CLSTN2: variants seen among roughly 807,000 people sequenced by gnomAD.
CLSTN2 encodes calsyntenin 2.
Under a neutral mutation model 101.2 loss-of-function variants are expected in CLSTN2, and 48 were observed. The observed-to-expected ratio is 0.47, with a 90% confidence interval of 0.38 to 0.60. The LOEUF (loss-of-function observed/expected upper bound fraction) is 0.60, where lower values mean the gene tolerates loss of function less well. CLSTN2 is among the 20% of genes least tolerant of loss of function. The probability of loss-of-function intolerance (pLI) is 0.00; values close to 1 mark genes in which losing one functional copy is unlikely to be tolerated. For synonymous variants in CLSTN2, 481 were observed against 463.6 expected, an observed-to-expected ratio of 1.04 and a Z score of -0.48; for missense variants, 1,160 against 1,238.2, an observed-to-expected ratio of 0.94 and a Z score of 0.95.
chr3:140,333,673 G>C (rs1467771668), intron 2 of CLSTN2, among the ~76,000 whole-genome samples: 1 of 145,524 alleles, frequency 6.9e-6, no homozygotes, highest in African/African-American at 2.5e-5. Flanking sequence ...AACAGTATTA[G>C]AGTGGAGACT....
At chr3:140,093,219 C>T (rs947572257) in intron 1 of CLSTN2, among the ~76,000 whole-genome samples, 7 of 152,042 alleles carry the variant, frequency 4.6e-5, no homozygotes, top group Admixed American at 1.3e-4. Context: ...GCTCCCTGAG[C>T]CATTATTTCA....
intron 2 of CLSTN2, among the ~76,000 whole-genome samples, chr3:140,353,452 T>A (rs2087633726): frequency 6.6e-6 from 1 of 152,064 alleles, no homozygotes; most frequent in African/African-American, 2.4e-5. Context: ...CCTTTTGACA[T>A]TTTTCTGCCT....
At chr3:140,053,856 G>A (rs918577732) in intron 1 of CLSTN2, among the ~76,000 whole-genome samples, 2 of 152,152 alleles carry the variant, frequency 1.3e-5, no homozygotes, top group Admixed American at 6.6e-5. Context: ...GAAGTGATTG[G>A]CACATAGTCA....
intron 2 of CLSTN2, among the ~76,000 whole-genome samples, chr3:140,362,333 C>A (rs866798392): frequency 3.8e-4 from 58 of 152,168 alleles, no homozygotes; most frequent in African/African-American, 1.3e-3. Flanking sequence ...TTAACTTATA[C>A]GTAAAACATA....
chr3:140,489,655 T>G (rs1374494906), intron 8 of CLSTN2, among the ~76,000 whole-genome samples: 1 of 152,066 alleles, frequency 6.6e-6, no homozygotes, highest in East Asian at 1.9e-4. Flanking sequence ...GATACTGGGA[T>G]GAAATCAACC....
Position 139,972,426 on chromosome 3 carries a change from T to C in CLSTN2, c.109+36943T>C, listed in dbSNP as rs573862566. On this transcript the variant is annotated intron_variant, in intron 1 of 16. Coordinates refer to ENST00000458420, the MANE Select transcript of CLSTN2 (RefSeq NM_022131.3). ...GGAAATAATGATGTTATTGTTAGCA[T>C]CTCTCTGGGGATGTGAATACTAAGC... is the stretch of plus-strand genomic sequence containing the variant. 3.0e-4 allele frequency among the ~76,000 whole-genome samples: 46 copies of C among 152,226 alleles called. No homozygotes were observed. The South Asian group carries it at 6.4e-3, about 21-fold the overall frequency.
At chr3:140,089,624 A>G in intron 1 of CLSTN2, among the ~76,000 whole-genome samples, 1 of 134,746 alleles carries the variant, frequency 7.4e-6, no homozygotes, top group Middle Eastern at 3.6e-3. Flanking sequence ...TTATTTATTT[A>G]TTTTTGAGAC....
intron 8 of CLSTN2, among the ~76,000 whole-genome samples, chr3:140,497,788 G>A (rs1396147898): frequency 6.6e-6 from 1 of 152,168 alleles, no homozygotes; most frequent in Non-Finnish European, 1.5e-5. Context: ...ACTCCACACA[G>A]TTCTGTGTAT....
intron 2 of CLSTN2, among the ~76,000 whole-genome samples, chr3:140,284,439 C>T (rs72990180): frequency 3.3e-5 from 5 of 152,114 alleles, no homozygotes; most frequent in African/African-American, 4.8e-5. Context: ...TTCATGGAGT[C>T]GCAAAGAAAA....
At chr3:140,202,087 C>A (rs771200949) in intron 2 of CLSTN2, among the ~76,000 whole-genome samples, 6 of 151,982 alleles carry the variant, frequency 3.9e-5, no homozygotes, top group Admixed American at 3.9e-4. Flanking sequence ...TAGAGGTGGG[C>A]GGATCAAGCA....
intron 9 of CLSTN2, 61 bp downstream of exon 9, chr3:140,532,547 G>C (rs1935279412): frequency 4.9e-6 from 7 of 1,427,184 alleles, no homozygotes; most frequent in Non-Finnish European, 4.7e-6. Context: ...GAAGATACTT[G>C]TAGAGAAAAA....
intron 2 of CLSTN2, among the ~76,000 whole-genome samples, chr3:140,312,295 T>C (rs1026554382): frequency 3.3e-5 from 5 of 152,266 alleles, no homozygotes; most frequent in Non-Finnish European, 5.9e-5. Flanking sequence ...GTATGGATTC[T>C]GCACAGTGTG....
Position 140,157,848 on chromosome 3 carries a change from C to T in CLSTN2, c.110-18103C>T, listed in dbSNP as rs138641317. On this transcript the variant is annotated intron_variant, in intron 1 of 16. Coordinates refer to ENST00000458420, the MANE Select transcript of CLSTN2 (RefSeq NM_022131.3). ...TAAGCTTTATTCCTGGGATGCAAGG[C>T]TGGTTCAATATACACAAATCAGTAA... Among the ~76,000 whole-genome samples the T allele has an allele frequency of 5.6e-3, 848 of 152,276 alleles. 3 individuals are homozygous for T. The highest frequency in any genetic ancestry group is 0.054 in the Middle Eastern group (16 of 294).
At chr3:140,241,880 T>TATATACAC (rs1576480872) in intron 2 of CLSTN2, among the ~76,000 whole-genome samples, 1 of 140,074 alleles carries the variant, frequency 7.1e-6, no homozygotes, top group Non-Finnish European at 1.5e-5. Flanking sequence ...CATATATATA[T>TATATACAC]ACACACACAC....
chr3:139,971,777 G>A (rs1935709043), intron 1 of CLSTN2, among the ~76,000 whole-genome samples: 1 of 152,308 alleles, frequency 6.6e-6, no homozygotes, highest in South Asian at 2.1e-4. Context: ...CAGCAGGTAG[G>A]GAAATGGAGA....
chr3:140,122,291 T>C (rs1373929329), intron 1 of CLSTN2, among the ~76,000 whole-genome samples: 3 of 152,136 alleles, frequency 2.0e-5, no homozygotes, highest in African/African-American at 7.2e-5. Context: ...CTATTAACTG[T>C]GTGGGTTTGG....
intron 2 of CLSTN2, among the ~76,000 whole-genome samples, chr3:140,387,036 G>A (rs35628568): frequency 0.066 from 10,006 of 152,166 alleles, 397 homozygotes; most frequent in Middle Eastern, 0.099. Context: ...CCAACTTTAC[G>A]GCCTAGCTTA....
chr3:140,403,099 CATT>C (rs1212411448), intron 2 of CLSTN2, among the ~76,000 whole-genome samples: 1 of 152,166 alleles, frequency 6.6e-6, no homozygotes, highest in Admixed American at 6.5e-5. Context: ...TTATAATAAA[CATT>C]AACGCAGCTG....
At chr3:140,326,084 G>A (rs188955038) in intron 2 of CLSTN2, among the ~76,000 whole-genome samples, 3 of 152,204 alleles carry the variant, frequency 2.0e-5, no homozygotes, top group African/African-American at 7.2e-5. Flanking sequence ...CCATTTTAAT[G>A]CATTATAATA....
Sources: allele counts gnomAD v4.1 joint callset (sites outside exome capture counted in the v4.1 genomes callset), GRCh38; gene constraint gnomAD v4.1.1; transcripts MANE v1.5; gene names NCBI Gene and HGNC (gene_info 2026-07-23, HGNC 2026-07-21).